The following GALNT2 variants were observed in gnomAD, a reference collection of about 807,000 sequenced individuals.
GALNT2 encodes polypeptide N-acetylgalactosaminyltransferase 2.
Under a neutral mutation model 81.4 loss-of-function variants are expected in GALNT2, and 31 were observed. That is an observed-to-expected ratio of 0.38 (90% confidence interval 0.29 to 0.51). GALNT2 has a LOEUF of 0.51. GALNT2 is among the 20% of genes least tolerant of loss of function. The pLI, the probability that GALNT2 is intolerant of heterozygous loss-of-function variation, is 0.87. For missense variants in GALNT2, 629 were observed against 765.7 expected, an observed-to-expected ratio of 0.82 and a Z score of 2.11; for synonymous variants, 303 against 287.4, an observed-to-expected ratio of 1.05 and a Z score of -0.55.
chr1:230,278,730 G>A (rs1666360643), intron 15 of GALNT2, among the ~76,000 whole-genome samples: 1 of 152,172 alleles, frequency 6.6e-6, no homozygotes, highest in Non-Finnish European at 1.5e-5. Context: ...CATAGAAATA[G>A]GCTTCTCAAT....
chr1:230,165,476 G>T (rs936820139), intron 1 of GALNT2, among the ~76,000 whole-genome samples: 1 of 152,158 alleles, frequency 6.6e-6, no homozygotes, highest in African/African-American at 2.4e-5. Flanking sequence ...TAGTTCACTG[G>T]GATAAATTTA....
At chr1:230,112,115 T>C (rs908963014) in intron 1 of GALNT2, among the ~76,000 whole-genome samples, 1 of 152,166 alleles carries the variant, frequency 6.6e-6, no homozygotes, top group Non-Finnish European at 1.5e-5. Context: ...GCCCAGTCCA[T>C]GGTGGCCACA....
chr1:230,069,121 C>T (rs193030407), intron 1 of GALNT2, among the ~76,000 whole-genome samples: 131 of 152,266 alleles, frequency 8.6e-4, no homozygotes, highest in African/African-American at 3.1e-3. Flanking sequence ...CATTAGTACA[C>T]GTGATTAGAA....
At chr1:230,253,755 C>T (rs936459387) in intron 10 of GALNT2, among the ~76,000 whole-genome samples, 1 of 152,152 alleles carries the variant, frequency 6.6e-6, no homozygotes, top group Non-Finnish European at 1.5e-5. Flanking sequence ...AGTCACCCTA[C>T]CGGGCTGTAG....
intron 10 of GALNT2, among the ~76,000 whole-genome samples, 170 bp from the exon 11 acceptor site, chr1:230,255,048 A>G (rs1665665440): frequency 6.6e-6 from 1 of 152,240 alleles, no homozygotes; most frequent in Admixed American, 6.5e-5. Context: ...AGAGTTCTGC[A>G]TCAGGTTCTG....
chr1:230,152,572 T>C (rs1001757532), intron 1 of GALNT2, among the ~76,000 whole-genome samples: 23 of 152,068 alleles, frequency 1.5e-4, no homozygotes, highest in African/African-American at 5.6e-4. Context: ...AAATACATGG[T>C]TTGGGGGATG....
chr1:230,263,339 AC>A, intron 13 of GALNT2: 1 of 283,462 alleles, frequency 3.5e-6, no homozygotes, highest in Non-Finnish European at 6.8e-6. Context: ...TCTTCGAGTG[AC>A]CAGGAGCAGT....
intron 3 of GALNT2, among the ~76,000 whole-genome samples, chr1:230,232,494 A>G (rs1298785326): frequency 6.6e-6 from 1 of 152,148 alleles, no homozygotes; most frequent in Non-Finnish European, 1.5e-5. Context: ...TCCGTTTACT[A>G]TGATGTAGCA....
intron 1 of GALNT2, among the ~76,000 whole-genome samples, chr1:230,118,764 G>A (rs1048758322): frequency 5.9e-5 from 9 of 151,736 alleles, no homozygotes; most frequent in East Asian, 1.9e-4. Flanking sequence ...TGTAAGATGC[G>A]GTTCAGATGG....
intron 1 of GALNT2, among the ~76,000 whole-genome samples, chr1:230,103,663 G>C (rs531743822): frequency 3.9e-5 from 6 of 152,004 alleles, no homozygotes; most frequent in African/African-American, 1.4e-4. Flanking sequence ...GAGACAAGTA[G>C]GTGGCACACA....
intron 1 of GALNT2, among the ~76,000 whole-genome samples, chr1:230,104,376 C>T (rs1014932667): frequency 2.6e-5 from 4 of 152,160 alleles, no homozygotes; most frequent in Non-Finnish European, 5.9e-5. Flanking sequence ...AGTAGGTTCT[C>T]AGAACCAGCT....
chr1:230,108,854 C>T (rs1660616785), intron 1 of GALNT2, among the ~76,000 whole-genome samples: 1 of 150,314 alleles, frequency 6.7e-6, no homozygotes, highest in Non-Finnish European at 1.5e-5. Context: ...GACCGCATAT[C>T]GCTAGCCCAG....
At chr1:230,066,524 T>C (rs1659185364), upstream of GALNT2, among the ~76,000 whole-genome samples, 1 of 152,130 alleles carries the variant, frequency 6.6e-6, no homozygotes, top group Non-Finnish European at 1.5e-5. Flanking sequence ...ACTCAAAACC[T>C]CCACATCTGC....
At chr1:230,120,740 C>T (rs772236266) in intron 1 of GALNT2, among the ~76,000 whole-genome samples, 6 of 152,156 alleles carry the variant, frequency 3.9e-5, no homozygotes, top group Non-Finnish European at 7.3e-5. Flanking sequence ...TTCCCTCATC[C>T]TCCTCCGCAC....
At chr1:230,277,420 G>A (rs1277250274) in intron 15 of GALNT2, among the ~76,000 whole-genome samples, 8 of 152,164 alleles carry the variant, frequency 5.3e-5, no homozygotes, top group Admixed American at 1.3e-4. Flanking sequence ...ATCAGATTCC[G>A]TTCATTCCGA....
chr1:230,233,219 A>G (rs1258492830), intron 3 of GALNT2, among the ~76,000 whole-genome samples: 1 of 152,210 alleles, frequency 6.6e-6, no homozygotes, highest in African/African-American at 2.4e-5. Context: ...ATATATTTTT[A>G]ATCTATCTCC....
chr1:230,132,429 T>C (rs550420384), intron 1 of GALNT2, among the ~76,000 whole-genome samples: 125 of 152,292 alleles, frequency 8.2e-4, no homozygotes, highest in African/African-American at 2.7e-3. Flanking sequence ...TGAGGCTGCC[T>C]TCCATCACAG....
chr1:230,176,483 G>C (rs1284105517), intron 1 of GALNT2, among the ~76,000 whole-genome samples: 2 of 152,168 alleles, frequency 1.3e-5, no homozygotes, highest in Non-Finnish European at 2.9e-5. Context: ...ATGCTGGGGT[G>C]GGGGTTGAGA....
intron 1 of GALNT2, among the ~76,000 whole-genome samples, chr1:230,134,353 C>T (rs575401314): frequency 2.0e-5 from 3 of 152,182 alleles, no homozygotes; most frequent in Admixed American, 1.3e-4. Flanking sequence ...ATGATCCGCC[C>T]GCCTTGGCCT....
Sources: allele counts gnomAD v4.1 joint callset (sites outside exome capture counted in the v4.1 genomes callset), GRCh38; gene constraint gnomAD v4.1.1; transcripts MANE v1.5; gene names NCBI Gene and HGNC (gene_info 2026-07-23, HGNC 2026-07-21).